The following GCC2 variants were observed in gnomAD, a reference collection of about 807,000 sequenced individuals.
GCC2 encodes the protein GRIP and coiled-coil domain-containing protein 2.
GCC2 carries 120 observed loss-of-function variants against 210.6 expected under a neutral mutation model. The observed-to-expected ratio is 0.57, with a 90% confidence interval of 0.49 to 0.66. GCC2 has a LOEUF of 0.66. GCC2 is among the 30% of genes least tolerant of loss of function. The pLI is 0.00. For synonymous variants in GCC2, 703 were observed against 652.7 expected (o/e 1.08, Z -1.17); for missense variants, 1,868 against 1,871.9 (o/e 1.00, Z 0.04).
intron 8 of GCC2, 47 bp downstream of exon 8, chr2:108,475,682 A>G (rs1293092309): frequency 6.8e-7 from 1 of 1,468,212 alleles, no homozygotes; most frequent in South Asian, 1.2e-5. Flanking sequence ...CACATTTTTA[A>G]AAATCAAGAG....
chr2:108,450,199 C>T (rs1419531206), intron 2 of GCC2, among the ~76,000 whole-genome samples: 1 of 152,160 alleles, frequency 6.6e-6, no homozygotes, highest in African/African-American at 2.4e-5. Flanking sequence ...TCATGATAAC[C>T]ATGAGATAGG....
chr2:108,495,581 C>T, intron 20 of GCC2, 96 bp downstream of exon 20: 1 of 753,764 alleles, frequency 1.3e-6, no homozygotes, highest in Non-Finnish European at 2.1e-6. Flanking sequence ...TTGGGCTGCT[C>T]CAATAAAATT....
rs763728337 is a variant in GCC2 at position 108,471,577 on chromosome 2, G to A, written c.2248G>A (p.Val750Ile). ...NLNKLLENEQ[V>I]QKLFVKTQLY... Reference sequence around the variant, plus strand: ...AAATAAACTGCTTGAAAATGAGCAAGTTCAGAAGTTATTTGTTAAAACTCA... The same window carrying A: ...AAATAAACTGCTTGAAAATGAGCAAATTCAGAAGTTATTTGTTAAAACTCA... Residue 750 changes from valine to isoleucine, a missense_variant, in exon 6 of 23, where the codon GTT becomes ATT. This residue lies in a region of GCC2 where 1,847 missense variants were observed against 1,765.2 expected (regional missense o/e 1.05). Coordinates refer to ENST00000309863, the MANE Select transcript of GCC2 (RefSeq NM_181453.4). The A allele has an allele frequency of 6.2e-7, 1 of 1,611,606 alleles. No homozygotes were observed. Among genetic ancestry groups the A allele is most frequent in the Non-Finnish European group, 8.5e-7 (1 of 1,179,072 alleles).
In GCC2 at chr2:108,475,836, G is replaced by A; in HGVS notation, c.3046G>A (p.Ala1016Thr). Reference sequence around the variant, plus strand: ...TTCCATGAGAGATCTCATTCAAGGAGCAGAAAGCTATAAGGTAAAAAATAG... The same window carrying A: ...TTCCATGAGAGATCTCATTCAAGGAACAGAAAGCTATAAGGTAAAAAATAG... Reference protein sequence around the residue: ...SASMRDLIQGAESYKNLLLEY... With the variant: ...SASMRDLIQGTESYKNLLLEY... The change falls in exon 9 of 23, where the codon GCA (alanine) becomes ACA (threonine). Residue 1016 changes from alanine (A) to threonine (T), a missense_variant. Physicochemically the swap from Ala to Thr is moderately conservative, Grantham distance 58. Transcript: ENST00000309863. The A allele has an allele frequency of 6.4e-7, 1 of 1,567,396 alleles. No homozygotes were observed. The highest frequency in any genetic ancestry group is 2.3e-5 in the East Asian group (1 of 44,198).
chr2:108,479,310 G>A (rs1380649820), intron 9 of GCC2, among the ~76,000 whole-genome samples: 1 of 152,116 alleles, frequency 6.6e-6, no homozygotes, highest in Admixed American at 6.5e-5. Flanking sequence ...GTGTAAATGA[G>A]AATTAGAAAC....
Position 108,495,398 on chromosome 2 carries a change from G to A in GCC2, c.4555G>A (p.Glu1519Lys), listed in dbSNP as rs1256210402. The change falls in exon 20 of 23, where the codon GAG becomes AAG. Residue 1519 changes from glutamate (E) to lysine (K), a missense_variant. Glu to Lys is a moderately conservative substitution (Grantham distance 56, BLOSUM62 1). Transcript: ENST00000309863. ...TVTREEGEGM[E>K]TTDTESVSSA... ...AACCCGGGAAGAGGGAGAAGGCATG[G>A]AGACAACTGATACGGAGTCTGTGTC... is the stretch of plus-strand genomic sequence containing the variant. 2 of 1,582,314 alleles carry A rather than the reference G, an allele frequency of 1.3e-6. No homozygotes were observed. Among genetic ancestry groups the A allele is most frequent in the African/African-American group, 2.7e-5 (2 of 74,642 alleles).
At chr2:108,462,884 TTC>T (rs1173217039) in intron 4 of GCC2, among the ~76,000 whole-genome samples, 4 of 48,374 alleles carry the variant, frequency 8.3e-5, no homozygotes, top group African/African-American at 2.6e-4. Context: ...TTTTTAAAAA[TTC>T]TTTTACCCTT....
At chr2:108,451,940 T>C (rs1284952348) in intron 3 of GCC2, among the ~76,000 whole-genome samples, 1 of 150,708 alleles carries the variant, frequency 6.6e-6, no homozygotes, top group African/African-American at 2.5e-5. Flanking sequence ...CCTTCCCGGG[T>C]TCAAGCGATT....
chr2:108,492,658 C>T lies in GCC2; in HGVS notation c.4315C>T (p.Leu1439Phe). 5 of 1,613,740 alleles carry T rather than the reference C, an allele frequency of 3.1e-6. No individual in the cohort carries two copies. The South Asian group carries it at 4.4e-5, about 14-fold the overall frequency. Residue 1439 changes from leucine (L) to phenylalanine (F), a missense_variant, in exon 19 of 23, where the codon CTT becomes TTT. Leu to Phe is a conservative substitution (Grantham distance 22). Around this residue, in one of 3 missense-constraint regions of GCC2, gnomAD observed 1,847 missense variants for 1,765.2 expected, o/e 1.05. Coordinates refer to ENST00000309863, the MANE Select transcript of GCC2 (RefSeq NM_181453.4). ...TCAGCTAACATCCCAGAACGAGGTC[C>T]TTCGAAATAGCTTCCGAGATCAAGT... ...VSQLTSQNEV[L>F]RNSFRDQVRH... is the part of the protein sequence containing the mutation.
At chr2:108,450,316 C>G (rs1050241507) in intron 2 of GCC2, among the ~76,000 whole-genome samples, 2 of 152,244 alleles carry the variant, frequency 1.3e-5, no homozygotes, top group East Asian at 1.9e-4. Context: ...GAATGTTACC[C>G]GGTTCATCTT....
chr2:108,456,374 A>T (rs545988579), intron 4 of GCC2, among the ~76,000 whole-genome samples: 31 of 152,292 alleles, frequency 2.0e-4, no homozygotes, highest in African/African-American at 7.5e-4. Context: ...CATTGTCATC[A>T]ATATCTGTTA....
rs777760783 is a variant in GCC2, at chr2:108,470,672, CAGAAAA to C, written c.1351_1356del (p.Glu451_Lys452del). 4.3e-6 allele frequency: 7 copies of C among 1,610,436 alleles called. No individual in the cohort carries two copies. In the South Asian group the frequency reaches 5.5e-5, roughly 13 times the overall value. On this transcript the variant is annotated inframe_deletion, in exon 6 of 23. Coordinates refer to ENST00000309863, the MANE Select transcript of GCC2 (RefSeq NM_181453.4). ...CTAAATGAGACATTTTTGTCAGATTCAGAAAAAGAAAAATTAACATTAATGTTTGAA... is the reference window on the plus strand; with the variant it reads ...CTAAATGAGACATTTTTGTCAGATTCAGAAAAATTAACATTAATGTTTGAA...
rs368781618 is a variant in GCC2 at position 108,484,586 on chromosome 2, T to C, written c.3613+275T>C. 6.8e-5 allele frequency: 11 copies of C among 161,588 alleles called. No individual in the cohort carries two copies. In the East Asian group the frequency reaches 1.4e-3, roughly 20 times the overall value. The allele number at this position is 161,588 out of a possible 1,614,324, so 10.0% of individuals were successfully genotyped here. A position where few individuals can be genotyped will look rare whatever the true frequency, so the allele number is the denominator to read the frequency against. ...GTTTAAATCTTTAATCCATCTTGAA[T>C]TGATTTTTGTATAAGGTGTAAGGAA... is the stretch of plus-strand genomic sequence containing the variant. On this transcript the variant is annotated intron_variant, in intron 13 of 22. Transcript: ENST00000309863.
At chr2:108,472,945 C>A in intron 7 of GCC2, 46 bp downstream of exon 7, 2 of 1,104,194 alleles carry the variant, frequency 1.8e-6, no homozygotes, top group Non-Finnish European at 2.7e-6. Context: ...TAGACAGATT[C>A]TTCTTAGTGT....
chr2:108,506,109 T>C (rs1446980282), intron 22 of GCC2, among the ~76,000 whole-genome samples: 5 of 152,188 alleles, frequency 3.3e-5, no homozygotes, highest in Admixed American at 6.5e-5. Flanking sequence ...TTATGCACTT[T>C]AAAAAGGTGA....
At position 108,484,089 on chromosome 2, in the gene GCC2, A is replaced by C. The variant is rs1240595363; in HGVS notation, c.3451-60A>C. 5.8e-6 allele frequency: 7 copies of C among 1,212,348 alleles called. No individual in the cohort carries two copies. In the African/African-American group the frequency reaches 1.1e-4, roughly 19 times the overall value. 75.1% of individuals were successfully genotyped at this position (1,212,348 alleles called of 1,614,324 possible). On this transcript the variant is annotated intron_variant, in intron 12 of 22. Coordinates refer to ENST00000309863, the MANE Select transcript of GCC2 (RefSeq NM_181453.4). ...TTTTAGCAATTTTACAAATGAAAAAAAAAATTTACAAATGAACTGATCTAC... is the reference window on the plus strand; with the variant it reads ...TTTTAGCAATTTTACAAATGAAAAACAAAATTTACAAATGAACTGATCTAC...
intron 20 of GCC2, chr2:108,496,425 G>A (rs1682650243): frequency 6.3e-6 from 1 of 158,196 alleles, no homozygotes; most frequent in Non-Finnish European, 1.4e-5. Flanking sequence ...GTTCCTTCAG[G>A]CAAAGTTAAT....
intron 7 of GCC2, among the ~76,000 whole-genome samples, chr2:108,473,678 G>C (rs897326965): frequency 3.0e-4 from 46 of 152,188 alleles, no homozygotes; most frequent in African/African-American, 9.7e-4. Flanking sequence ...AAGGGAAGTT[G>C]AAGAGTTTAG....
rs1036547034 is a variant in GCC2 at position 108,456,204 on chromosome 2, C to G, written c.216+3738C>G. Among the ~76,000 whole-genome samples the G allele has an allele frequency of 4.6e-5, 7 of 152,238 alleles. No individual in the cohort carries two copies. In the South Asian group the frequency reaches 8.3e-4, roughly 18 times the overall value. On this transcript the variant is annotated intron_variant, in intron 4 of 22. Transcript: ENST00000309863. ...GTTTCACCATATTAGCCAGGATGGT[C>G]TCGATCCCCTGACCACTTTGGGAGC...
Sources: allele counts gnomAD v4.1 joint callset (sites outside exome capture counted in the v4.1 genomes callset), GRCh38; gene constraint gnomAD v4.1.1; regional missense constraint gnomAD v4.1.1; transcripts MANE v1.5; gene names NCBI Gene and HGNC (gene_info 2026-07-23, HGNC 2026-07-21).